Variants in GFRA2 observed in about 807,000 individuals in gnomAD.
The protein encoded by GFRA2 is GDNF family receptor alpha 2, also known as GDNF family receptor alpha-2.
A neutral mutation model predicts 48.3 loss-of-function variants in GFRA2; 17 were observed. The observed-to-expected ratio is 0.35, with a 90% CI of 0.24 to 0.53. GFRA2 has a LOEUF of 0.53. Ranked by LOEUF, GFRA2 falls within the 20% of genes least tolerant of loss-of-function variation. GFRA2 has a pLI of 0.93. For synonymous variants in GFRA2, 305 were observed against 257.2 expected, an observed-to-expected ratio of 1.19 and a Z score of -1.78; for missense variants, 660 against 637.3, an observed-to-expected ratio of 1.04 and a Z score of -0.38.
intron 4 of GFRA2, among the ~76,000 whole-genome samples, chr8:21,745,860 T>G (rs1804979088): frequency 6.6e-6 from 1 of 152,090 alleles, no homozygotes; most frequent in Non-Finnish European, 1.5e-5. Flanking sequence ...GAAGGGCCCT[T>G]CAAATACCTG....
At chr8:21,768,664 C>T (rs768409701) in intron 3 of GFRA2, among the ~76,000 whole-genome samples, 51 of 152,156 alleles carry the variant, frequency 3.4e-4, no homozygotes, top group Non-Finnish European at 6.3e-4. Flanking sequence ...AATCCTCCCA[C>T]AGCCCCCACC....
chr8:21,703,486 C>A (rs1802585850), intron 6 of GFRA2, among the ~76,000 whole-genome samples: 1 of 152,164 alleles, frequency 6.6e-6, no homozygotes, highest in South Asian at 2.1e-4. Flanking sequence ...GTGGCCTCTG[C>A]TCCTCCCACA....
intron 7 of GFRA2, among the ~76,000 whole-genome samples, chr8:21,700,836 T>C (rs925493287): frequency 2.0e-5 from 3 of 152,012 alleles, no homozygotes; most frequent in Non-Finnish European, 4.4e-5. Context: ...CTTCCTCCCA[T>C]CCAGGCTCAG....
In GFRA2 at chr8:21,704,711, A is replaced by C. The variant is rs1475592862; in HGVS notation, c.1045+274T>G. 2.6e-5 allele frequency among the ~76,000 whole-genome samples: 4 copies of C among 152,202 alleles called. No individual in the cohort carries two copies. In the East Asian group the frequency reaches 7.7e-4, roughly 29 times the overall value. On this transcript the variant is annotated intron_variant, in intron 6 of 8. Coordinates refer to ENST00000524240, the MANE Select transcript of GFRA2 (RefSeq NM_001495.5). ...ATGAGAGGGCTCAGTCTCCAAAGGA[A>C]ACTGGCTGAAGCTGTCCCAATAACA...
chr8:21,783,241 GCT>G (rs1396258839), intron 1 of GFRA2: 2 of 449,170 alleles, frequency 4.5e-6, no homozygotes, highest in Non-Finnish European at 4.3e-6. Context: ...TCAGCAGAGA[GCT>G]GGGGGCTGCA....
Position 21,799,126 on chromosome 8 carries a change from G to A in GFRA2, c.-36+5891C>T, listed in dbSNP as rs937097811. On this transcript the variant is annotated intron_variant, in intron 2 of 10. Coordinates refer to the GFRA2 transcript ENST00000517328. ...GTTCAAACCACTTATCTACTTGTTT[G>A]GGAGTCACTAGGGTCTAACTGACCC... 3.9e-5 allele frequency among the ~76,000 whole-genome samples: 6 copies of A among 152,246 alleles called. No individual in the cohort carries two copies. In the South Asian group the frequency reaches 1.2e-3, roughly 32 times the overall value.
At chr8:21,694,766 C>G (rs193126553) in intron 7 of GFRA2, among the ~76,000 whole-genome samples, 1 of 152,338 alleles carries the variant, frequency 6.6e-6, no homozygotes, top group African/African-American at 2.4e-5. Context: ...TCCCAACTAG[C>G]GGCATTATAT....
At chr8:21,791,678 G>C (rs1358954427), upstream of GFRA2, among the ~76,000 whole-genome samples, 1 of 152,186 alleles carries the variant, frequency 6.6e-6, no homozygotes, top group African/African-American at 2.4e-5. Context: ...AACCAACGTT[G>C]TAGAAATTAC....
intron 4 of GFRA2, among the ~76,000 whole-genome samples, chr8:21,744,927 C>T (rs548103805): frequency 3.3e-5 from 5 of 152,178 alleles, no homozygotes; most frequent in Non-Finnish European, 7.4e-5. Flanking sequence ...AAAGCTTCCA[C>T]TCCCAGAGGC....
intron 2 of GFRA2, among the ~76,000 whole-genome samples, chr8:21,802,512 G>A (rs1016456548): frequency 1.3e-5 from 2 of 152,072 alleles, no homozygotes; most frequent in African/African-American, 4.8e-5. Context: ...GCACCACCAT[G>A]TCCGGCTAAT....
chr8:21,761,776 C>T (rs1805923045), intron 3 of GFRA2, among the ~76,000 whole-genome samples: 1 of 151,982 alleles, frequency 6.6e-6, no homozygotes, highest in African/African-American at 2.4e-5. Context: ...ATGGTGAAAC[C>T]CCATCTCTAC....
At chr8:21,764,580 G>A (rs1480532226) in intron 3 of GFRA2, among the ~76,000 whole-genome samples, 2 of 152,206 alleles carry the variant, frequency 1.3e-5, no homozygotes, top group Admixed American at 6.5e-5. Context: ...ATCCAGCTCT[G>A]CCTTCTCTCT....
chr8:21,728,041 C>T (rs1337009671), intron 4 of GFRA2, among the ~76,000 whole-genome samples: 1 of 152,036 alleles, frequency 6.6e-6, no homozygotes, highest in African/African-American at 2.4e-5. Flanking sequence ...ATACATTAGG[C>T]ACATGTTAAT....
rs552760151 is a variant in GFRA2 at position 21,729,986 on chromosome 8, G to C, written c.794+20602C>G. Among the ~76,000 whole-genome samples the C allele has an allele frequency of 2.1e-3, 317 of 152,238 alleles. 1 individual carries two copies. The highest frequency in any genetic ancestry group is 4.3e-3 in the Admixed American group (65 of 15,294). ...AGGCAGAGATCCCACCACACTCTGG[G>C]GAATTCAGGGAGGAGGAGGAGGAGC... On this transcript the variant is annotated intron_variant, in intron 4 of 8. Coordinates refer to ENST00000524240, the MANE Select transcript of GFRA2 (RefSeq NM_001495.5).
chr8:21,699,207 C>T (rs2117338482), intron 7 of GFRA2, among the ~76,000 whole-genome samples: 1 of 152,322 alleles, frequency 6.6e-6, no homozygotes, highest in Non-Finnish European at 1.5e-5. Flanking sequence ...ACCGGTCTCT[C>T]AGTCCCATGC....
intron 4 of GFRA2, among the ~76,000 whole-genome samples, chr8:21,728,475 A>G (rs1804003974): frequency 6.6e-6 from 1 of 151,890 alleles, no homozygotes; most frequent in Non-Finnish European, 1.5e-5. Flanking sequence ...TGGTTTCACC[A>G]TGTTGGCCAG....
chr8:21,747,464 T>C (rs1221577204), intron 4 of GFRA2, among the ~76,000 whole-genome samples: 2 of 152,132 alleles, frequency 1.3e-5, no homozygotes, highest in Non-Finnish European at 2.9e-5. Context: ...TAAGATATAT[T>C]TTTTTAAGTA....
upstream of GFRA2, chr8:21,789,100 A>AGGCGGT (rs1304561413): frequency 5.1e-4 from 71 of 138,446 alleles, no homozygotes; most frequent in Non-Finnish European, 9.1e-4. Flanking sequence ...GACAAGGCGA[A>AGGCGGT]GGCGGTGGCG....
intron 1 of GFRA2, among the ~76,000 whole-genome samples, chr8:21,783,647 C>A (rs1200937990): frequency 1.3e-5 from 2 of 152,002 alleles, no homozygotes; most frequent in Non-Finnish European, 2.9e-5. Flanking sequence ...CCCCTCCACA[C>A]CTTCTAGTCC....
Sources: gnomAD v4.1 joint callset for allele counts (sites outside exome capture counted in the v4.1 genomes callset) on GRCh38, gnomAD v4.1.1 for gene constraint, MANE v1.5 for transcripts, NCBI Gene and HGNC (gene_info 2026-07-23, HGNC 2026-07-21) for gene names.